The following IQCJ variants were observed in gnomAD, a reference collection of about 807,000 sequenced individuals.
IQCJ encodes the protein IQ motif containing J.
Under a neutral mutation model 11.0 loss-of-function variants are expected in IQCJ, and 9 were observed. That is an observed-to-expected ratio of 0.82 (90% CI 0.49 to 1.43). The LOEUF is 1.43. Among genes scored for constraint, IQCJ ranks in the 40% most tolerant of loss-of-function variants. The pLI is 0.00. For missense variants in IQCJ, 146 were observed against 133.2 expected (o/e 1.10, Z -0.47); for synonymous variants, 55 against 51.3 (o/e 1.07, Z -0.31).
chr3:159,181,336 A>G (rs1723078837), intron 1 of IQCJ, among the ~76,000 whole-genome samples: 2 of 148,650 alleles, frequency 1.3e-5, no homozygotes, highest in South Asian at 4.3e-4. Flanking sequence ...CTCTGTTCTT[A>G]GTTTGTGCTC....
intron 1 of IQCJ, among the ~76,000 whole-genome samples, chr3:159,128,260 C>A (rs556611275): frequency 2.6e-5 from 4 of 152,144 alleles, no homozygotes; most frequent in Non-Finnish European, 5.9e-5. Flanking sequence ...CTGTGAATTT[C>A]AAGTACGTTC....
intron 1 of IQCJ, among the ~76,000 whole-genome samples, chr3:159,209,500 G>T (rs558224077): frequency 5.9e-5 from 9 of 152,206 alleles, no homozygotes; most frequent in African/African-American, 2.2e-4. Flanking sequence ...AAAGGGCAGG[G>T]TGTCTGTCAC....
At chr3:159,151,194 GGGTAGA>G (rs1340665929) in intron 1 of IQCJ, among the ~76,000 whole-genome samples, 5 of 152,350 alleles carry the variant, frequency 3.3e-5, no homozygotes, top group South Asian at 4.1e-4. Flanking sequence ...CCAAGGCAAT[GGGTAGA>G]GAGCCATTTC....
intron 1 of IQCJ, among the ~76,000 whole-genome samples, chr3:159,183,081 T>C (rs891436370): frequency 2.6e-5 from 4 of 152,138 alleles, no homozygotes; most frequent in African/African-American, 9.7e-5. Context: ...AGTTCATGTC[T>C]GGAAGAGTAG....
At chr3:159,078,243 G>A (rs1716074769) in intron 1 of IQCJ, among the ~76,000 whole-genome samples, 1 of 148,868 alleles carries the variant, frequency 6.7e-6, no homozygotes, top group Non-Finnish European at 1.5e-5. Flanking sequence ...ATTAAGGTTT[G>A]TCTGTATTTC....
intron 1 of IQCJ, among the ~76,000 whole-genome samples, chr3:159,198,828 TA>T (rs896927499): frequency 5.9e-5 from 9 of 152,052 alleles, no homozygotes; most frequent in Non-Finnish European, 1.3e-4. Context: ...TGAATTTAAG[TA>T]AAAAAAGAGA....
At chr3:159,219,294 T>C (rs1203068018) in intron 1 of IQCJ, among the ~76,000 whole-genome samples, 1 of 151,960 alleles carries the variant, frequency 6.6e-6, no homozygotes, top group African/African-American at 2.4e-5. Flanking sequence ...CAGAATTTTT[T>C]TCAAACTTAG....
At chr3:159,070,887 G>T (rs1414542937) in intron 1 of IQCJ, among the ~76,000 whole-genome samples, 1 of 151,950 alleles carries the variant, frequency 6.6e-6, no homozygotes, top group Non-Finnish European at 1.5e-5. Flanking sequence ...TATTTAAGAT[G>T]ATGTAGTAAA....
intron 1 of IQCJ, among the ~76,000 whole-genome samples, chr3:159,130,104 G>A (rs1045233112): frequency 6.6e-6 from 1 of 152,034 alleles, no homozygotes; most frequent in Non-Finnish European, 1.5e-5. Flanking sequence ...CCTAACCTCT[G>A]GGAACCTCTA....
At chr3:159,118,125 G>A (rs1719137114) in intron 1 of IQCJ, among the ~76,000 whole-genome samples, 1 of 152,144 alleles carries the variant, frequency 6.6e-6, no homozygotes, top group African/African-American at 2.4e-5. Context: ...TATGTCTTTA[G>A]TTTCATAACA....
chr3:159,204,869 G>T (rs1456436582), intron 1 of IQCJ, among the ~76,000 whole-genome samples: 1 of 152,186 alleles, frequency 6.6e-6, no homozygotes, highest in Non-Finnish European at 1.5e-5. Context: ...TCTTCAATTT[G>T]CACTTTACTT....
At chr3:159,083,384 T>A (rs1716468003) in intron 1 of IQCJ, among the ~76,000 whole-genome samples, 1 of 152,074 alleles carries the variant, frequency 6.6e-6, no homozygotes, top group African/African-American at 2.4e-5. Context: ...TAGCCATTGG[T>A]GAAGTGCAAA....
At chr3:159,135,600 G>C (rs1413901135) in intron 1 of IQCJ, among the ~76,000 whole-genome samples, 1 of 152,110 alleles carries the variant, frequency 6.6e-6, no homozygotes, top group Non-Finnish European at 1.5e-5. Context: ...TCCATCACTG[G>C]GTACATCTGT....
Position 159,102,501 on chromosome 3 carries a change from G to A in IQCJ, c.9+33060G>A, listed in dbSNP as rs1717998127. Among the ~76,000 whole-genome samples the A allele has an allele frequency of 2.0e-5, 3 of 152,228 alleles. No individual in the cohort carries two copies. In the South Asian group the frequency reaches 6.2e-4, roughly 32 times the overall value. ...TAGGCTTCTATTTAGGCTCTGATTG[G>A]GAAAGGTAGTAATTTTCCTACTGAA... On this transcript the variant is annotated intron_variant, in intron 1 of 3. Coordinates refer to ENST00000397832, the MANE Select transcript of IQCJ (RefSeq NM_001042706.3).
rs140569681 is a variant in IQCJ, at chr3:159,261,293, C to T, written c.156-1255C>T. Among the ~76,000 whole-genome samples, 561 of 152,314 alleles carry T rather than the reference C, an allele frequency of 3.7e-3. 3 individuals carry two copies. The highest frequency in any genetic ancestry group is 5.8e-3 in the Non-Finnish European group (395 of 68,026). On this transcript the variant is annotated intron_variant, in intron 3 of 3. Coordinates refer to ENST00000397832, the MANE Select transcript of IQCJ (RefSeq NM_001042706.3). ...AAAAGGCTGAATCCTAACAACTAGT[C>T]CGCATGAACTGTTAACTCCCAGAAG...
intron 1 of IQCJ, among the ~76,000 whole-genome samples, chr3:159,188,779 A>G (rs1723518294): frequency 6.6e-6 from 1 of 152,096 alleles, no homozygotes; most frequent in African/African-American, 2.4e-5. Flanking sequence ...CTTAAAATCT[A>G]GGGTTAACTT....
chr3:159,070,703 A>T lies in IQCJ; in HGVS notation c.9+1262A>T, dbSNP rs182599178. Among the ~76,000 whole-genome samples the T allele has an allele frequency of 2.6e-5, 4 of 152,200 alleles. No individual in the cohort carries two copies. The East Asian group carries it at 7.7e-4, about 29-fold the overall frequency. On this transcript the variant is annotated intron_variant, in intron 1 of 3. Transcript: ENST00000397832. The stretch of plus-strand genomic sequence containing the variant: ...GGTAGCAAGTCAAATAGCATTCACA[A>T]AGTAGGTTTTCTTTGAACTAGTAGT...
chr3:159,173,975 T>C (rs944830403), intron 1 of IQCJ, among the ~76,000 whole-genome samples: 18 of 152,138 alleles, frequency 1.2e-4, no homozygotes, highest in African/African-American at 4.1e-4. Flanking sequence ...AATTCTTTCA[T>C]AATTTTCCTC....
At chr3:159,232,742 T>C (rs922778088) in intron 1 of IQCJ, among the ~76,000 whole-genome samples, 8 of 152,218 alleles carry the variant, frequency 5.3e-5, no homozygotes, top group Non-Finnish European at 1.2e-4. Context: ...TTAGTTCCAC[T>C]TGGTCCAGAG....
Sources: gnomAD v4.1 joint callset for allele counts (sites outside exome capture counted in the v4.1 genomes callset) on GRCh38, gnomAD v4.1.1 for gene constraint, MANE v1.5 for transcripts, NCBI Gene and HGNC (gene_info 2026-07-23, HGNC 2026-07-21) for gene names.